Variants in NUP210 observed in about 807,000 individuals in gnomAD.
NUP210 encodes nucleoporin 210, also known as nuclear pore membrane glycoprotein 210.
Under a neutral mutation model 196.0 loss-of-function variants are expected in NUP210, and 151 were observed. That is an observed-to-expected ratio of 0.77 (90% CI 0.67 to 0.88). The LOEUF is 0.88. Among genes scored for constraint, NUP210 ranks in the 40% least tolerant of loss-of-function variants. The pLI is 0.00. For missense variants in NUP210, 2,314 were observed against 2,493.7 expected (o/e 0.93, Z 1.53); for synonymous variants, 1,070 against 1,052.7 (o/e 1.02, Z -0.32).
chr3:13,336,763 G>A, intron 27 of NUP210, 24 bp downstream of exon 27: 1 of 1,609,614 alleles, frequency 6.2e-7, no homozygotes, highest in Non-Finnish European at 8.5e-7. Context: ...TGGGAGGTGA[G>A]CTCTGGAGGG....
chr3:13,352,267 G>T, intron 18 of NUP210, 83 bp from the exon 19 acceptor site: 1 of 1,037,044 alleles, frequency 9.6e-7, no homozygotes, highest in Non-Finnish European at 1.5e-6. Context: ...AAAGCCCTAG[G>T]GCCTGGCCTT....
chr3:13,337,414 C>G (rs58700038), intron 26 of NUP210, among the ~76,000 whole-genome samples: 6,063 of 152,350 alleles, frequency 0.04, 178 homozygotes, highest in African/African-American at 0.078. Flanking sequence ...TCCACTCCCA[C>G]TGCTGCCACT....
At position 13,348,370 on chromosome 3, in the gene NUP210, T is replaced by A; in HGVS notation, c.2835+3509A>T. ...TCTTGGAGTAAAGGTCTCCCTCTGG[T>A]CACAAGTCCACCCTCAGAGCTTGCA... On this transcript the variant is annotated intron_variant, in intron 20 of 39. Coordinates refer to ENST00000254508, the MANE Select transcript of NUP210 (RefSeq NM_024923.4). This position sits in a 1 kb window ranked among gnomAD's most constrained non-coding sequence, Gnocchi z 4.0. The A allele has an allele frequency of 7.1e-6, 7 of 985,284 alleles. No individual in the cohort carries two copies. The highest frequency in any genetic ancestry group is 8.4e-6 in the Non-Finnish European group (7 of 829,882). 61.0% of individuals were successfully genotyped at this position (985,284 alleles called of 1,614,324 possible). A position where few individuals can be genotyped will look rare whatever the true frequency, so the allele number is the denominator to read the frequency against.
intron 26 of NUP210, 114 bp downstream of exon 26, chr3:13,337,723 C>A: frequency 1.0e-6 from 1 of 965,026 alleles, no homozygotes; most frequent in South Asian, 1.4e-5. Flanking sequence ...GAAGCAGGCC[C>A]TAGATACCCG....
chr3:13,333,427 G>A (rs1042866786), intron 28 of NUP210, among the ~76,000 whole-genome samples: 8 of 152,224 alleles, frequency 5.3e-5, no homozygotes, highest in African/African-American at 1.9e-4. Context: ...CCTGAGCCCT[G>A]GGCCATGGCC....
chr3:13,370,181 T>C (rs1698681341), intron 13 of NUP210, among the ~76,000 whole-genome samples: 1 of 152,050 alleles, frequency 6.6e-6, no homozygotes, highest in South Asian at 2.1e-4. Flanking sequence ...TCATACAGCC[T>C]GGGCCCTACA....
At chr3:13,363,613 A>G (rs1698438085) in intron 14 of NUP210, among the ~76,000 whole-genome samples, 1 of 152,166 alleles carries the variant, frequency 6.6e-6, no homozygotes, top group African/African-American at 2.4e-5. Flanking sequence ...AAATATTCCA[A>G]ATATTCCTCA....
intron 20 of NUP210, 126 bp downstream of exon 20, chr3:13,351,753 C>A (rs907030439): frequency 3.0e-6 from 2 of 669,518 alleles, no homozygotes; most frequent in Non-Finnish European, 5.2e-6. Flanking sequence ...CTGCCTTGAC[C>A]TCCCAAAGTT....
chr3:13,407,344 T>G (rs1700035708), intron 1 of NUP210, among the ~76,000 whole-genome samples: 1 of 152,148 alleles, frequency 6.6e-6, no homozygotes, highest in South Asian at 2.1e-4. Flanking sequence ...CAAGGCATTG[T>G]GATTACTCCT....
chr3:13,417,248 A>G (rs1700377999), intron 1 of NUP210, among the ~76,000 whole-genome samples: 1 of 152,220 alleles, frequency 6.6e-6, no homozygotes, highest in Non-Finnish European at 1.5e-5. Flanking sequence ...AGGTTTTCCT[A>G]TATGAAACAC....
Position 13,337,855 on chromosome 3 carries a change from C to T in NUP210, c.3534G>A (p.Arg1178=). 6.2e-7 allele frequency: 1 copy of T among 1,612,018 alleles called. No homozygotes were observed. The highest frequency in any genetic ancestry group is 8.5e-7 in the Non-Finnish European group (1 of 1,179,714). The change falls in exon 26 of 40, where the codon CGG becomes CGA. Residue 1178 remains arginine, a synonymous_variant. Coordinates refer to ENST00000254508, the MANE Select transcript of NUP210 (RefSeq NM_024923.4). ...CCCTCACCTGGGTGCCCGTCCTCATCCGCATGATGGGGGCGCGGATCCTCA... is the reference window on the plus strand; with the variant it reads ...CCCTCACCTGGGTGCCCGTCCTCATTCGCATGATGGGGGCGCGGATCCTCA... The part of the protein sequence containing the change: ...RAVRIRAPIM[R]MRTGTQMPIY...
intron 1 of NUP210, among the ~76,000 whole-genome samples, chr3:13,402,928 A>G (rs573583239): frequency 3.7e-4 from 56 of 151,024 alleles, no homozygotes; most frequent in Admixed American, 1.7e-3. Context: ...CGCAGCTGAC[A>G]TGAGGGTGCA....
At position 13,347,474 on chromosome 3, in the gene NUP210, A is replaced by G. The variant is rs759991981; in HGVS notation, c.2836-4171T>C. 8.0e-5 allele frequency: 25 copies of G among 311,482 alleles called. No individual in the cohort carries two copies. Among genetic ancestry groups the G allele is most frequent in the Non-Finnish European group, 9.8e-5 (21 of 214,048 alleles). 19.3% of individuals were successfully genotyped at this position (311,482 alleles called of 1,614,324 possible). ...CCGAAAACAAAATAAAGGCCCTTAC[A>G]GAGCGTTCTGGGGCTGTGTGAGCAA... On this transcript the variant is annotated intron_variant, in intron 20 of 39. Coordinates refer to ENST00000254508, the MANE Select transcript of NUP210 (RefSeq NM_024923.4). The surrounding 1 kb of genome is among the most constrained non-coding windows in gnomAD (Gnocchi z 4.7).
intron 11 of NUP210, 94 bp from the exon 12 acceptor site, chr3:13,373,967 C>G: frequency 3.7e-6 from 5 of 1,365,776 alleles, no homozygotes; most frequent in African/African-American, 1.4e-5. Context: ...CATGCACGTA[C>G]TCACACTCAT....
chr3:13,329,474 T>C (rs1696909797), intron 30 of NUP210, among the ~76,000 whole-genome samples: 1 of 152,218 alleles, frequency 6.6e-6, no homozygotes, highest in South Asian at 2.1e-4. Context: ...GCTCAAAAGC[T>C]AGTGCTCCAA....
intron 3 of NUP210, 126 bp from the exon 4 acceptor site, chr3:13,391,433 CAT>C: frequency 3.0e-6 from 2 of 669,370 alleles, no homozygotes; most frequent in Non-Finnish European, 5.5e-6. Context: ...AGGCAGGTGT[CAT>C]AAACTGTATG....
chr3:13,332,931 G>C (rs988985678), intron 28 of NUP210, among the ~76,000 whole-genome samples: 1 of 152,204 alleles, frequency 6.6e-6, no homozygotes, highest in Non-Finnish European at 1.5e-5. Context: ...CAGGATAACT[G>C]TGCCAGGACT....
chr3:13,320,505 C>T (rs902863300), intron 36 of NUP210, among the ~76,000 whole-genome samples: 23 of 151,296 alleles, frequency 1.5e-4, no homozygotes, highest in African/African-American at 5.1e-4. Flanking sequence ...TGGTGGCAGG[C>T]GCCTGTAGTC....
intron 1 of NUP210, among the ~76,000 whole-genome samples, chr3:13,401,189 G>A (rs1201200859): frequency 3.7e-4 from 1 of 2,708 alleles, no homozygotes; most frequent in Non-Finnish European, 1.4e-3. Context: ...AACCCGGCAG[G>A]CGGAGGCCTG....
Sources: gnomAD v4.1 joint callset for allele counts (sites outside exome capture counted in the v4.1 genomes callset) on GRCh38, gnomAD v4.1.1 for gene constraint, Gnocchi (gnomAD v3.1) non-coding constraint, MANE v1.5 for transcripts, NCBI Gene and HGNC (gene_info 2026-07-23, HGNC 2026-07-21) for gene names.